The following UBR4 variants were observed in gnomAD, a reference collection of about 807,000 sequenced individuals.
UBR4 encodes E3 ubiquitin-protein ligase UBR4.
Under a neutral mutation model 575.6 loss-of-function variants are expected in UBR4, and 124 were observed. That is an observed-to-expected ratio of 0.22 (90% CI 0.19 to 0.25). The LOEUF (loss-of-function observed/expected upper bound fraction) is 0.25. UBR4 is among the 10% of genes least tolerant of loss of function. The pLI is 1.00. For synonymous variants in UBR4, 2,455 were observed against 2,473.7 expected (o/e 0.99, Z 0.22); for missense variants, 4,818 against 6,478.8 (o/e 0.74, Z 8.80).
At position 19,088,469 on chromosome 1, in the gene UBR4, A is replaced by G. The variant is rs2077220566; in HGVS notation, c.14430+290T>C. ...CTTCATCTGGAAAATGGGTATAACA[A>G]TATCAACCTCCTAGAACTACTTGAG... On this transcript the variant is annotated intron_variant, in intron 98 of 105. Coordinates refer to ENST00000375254, the MANE Select transcript of UBR4 (RefSeq NM_020765.3). This position sits in a 1 kb window ranked among gnomAD's most constrained non-coding sequence, Gnocchi z 4.0. Among the ~76,000 whole-genome samples the G allele has an allele frequency of 6.6e-6, 1 of 152,192 alleles. No individual in the cohort carries two copies.
rs757121959 is a variant in UBR4, at chr1:19,192,233, C to A, written c.1349G>T (p.Arg450Leu). The A allele has an allele frequency of 2.8e-5, 45 of 1,614,000 alleles. No individual in the cohort carries two copies. The highest frequency in any genetic ancestry group is 6.7e-5 in the Admixed American group (4 of 59,996). The stretch of plus-strand genomic sequence containing the variant: ...AGGGGAGCCCACTCCCTCTTTAGTA[C>A]GAGAAAGGATGTCTCTGACTCGGAG... ...AALRVRDILSRTKEGVGSPKL... is the reference protein window; with the variant it reads ...AALRVRDILSLTKEGVGSPKL... Residue 450 changes from arginine to leucine, a missense_variant, in exon 11 of 106, where the codon CGT becomes CTT. Coordinates refer to ENST00000375254, the MANE Select transcript of UBR4 (RefSeq NM_020765.3).
chr1:19,144,318 T>C (rs774278521), intron 54 of UBR4, among the ~76,000 whole-genome samples: 2 of 152,258 alleles, frequency 1.3e-5, no homozygotes, highest in East Asian at 1.9e-4. Flanking sequence ...TTCCTGGGGA[T>C]GGACTGGCAG....
intron 67 of UBR4, 118 bp from the exon 68 acceptor site, chr1:19,121,552 T>C (rs925168440): frequency 7.0e-6 from 9 of 1,290,452 alleles, no homozygotes; most frequent in Middle Eastern, 2.7e-4. Context: ...TTCTTTGCCA[T>C]GTTCTCTCTG....
intron 60 of UBR4, 45 bp from the exon 61 acceptor site, chr1:19,129,119 C>T (rs1219903116): frequency 1.8e-5 from 27 of 1,526,932 alleles, no homozygotes; most frequent in Non-Finnish European, 2.4e-5. Flanking sequence ...TGTACTCCAA[C>T]AGGACACAGC....
rs1375852507 is a variant in UBR4, at chr1:19,176,605, C to T, written c.2760G>A (p.Lys920=). ...CTTCTTTCTGACCTGATGAGAAATGCTTAGACCAGTTTTCTTCTACTTCTT... is the reference window on the plus strand; with the variant it reads ...CTTCTTTCTGACCTGATGAGAAATGTTTAGACCAGTTTTCTTCTACTTCTT... ...GFKEVEENWS[K]HFSSDAVPHP... The change falls in exon 20 of 106, where the codon AAG becomes AAA. Residue 920 remains lysine (K), a synonymous_variant. Transcript: ENST00000375254. The T allele has an allele frequency of 1.9e-6, 3 of 1,613,798 alleles. No individual in the cohort carries two copies. The East Asian group carries it at 6.7e-5, about 36-fold the overall frequency.
intron 57 of UBR4, 142 bp from the exon 58 acceptor site, chr1:19,141,034 T>C: frequency 1.1e-6 from 1 of 881,726 alleles, no homozygotes. Context: ...TAGCAGCCAC[T>C]GCTGTCCACC....
intron 38 of UBR4, among the ~76,000 whole-genome samples, 167 bp downstream of exon 38, chr1:19,160,750 T>C (rs2087204596): frequency 6.6e-6 from 1 of 152,180 alleles, no homozygotes; most frequent in Non-Finnish European, 1.5e-5. Context: ...TGCTCAGTCA[T>C]AAATCCTTCC....
At chr1:19,150,995 G>T in intron 48 of UBR4, 1 of 609,328 alleles carries the variant, frequency 1.6e-6, no homozygotes, top group Non-Finnish European at 2.9e-6. Flanking sequence ...TGGACCAAAA[G>T]CCGATTACGT....
intron 102 of UBR4, chr1:19,082,049 TTA>T (rs1171700378): frequency 1.9e-6 from 1 of 516,316 alleles, no homozygotes; most frequent in African/African-American, 1.9e-5. Context: ...TCTTGTTATG[TTA>T]TGTTTACATG....
At chr1:19,075,402 C>G (rs1274917525) in intron 105 of UBR4, 1 of 192,342 alleles carries the variant, frequency 5.2e-6, no homozygotes, top group Non-Finnish European at 1.1e-5. Context: ...GCTCATGCAA[C>G]AGGCACAGGG....
intron 62 of UBR4, 27 bp from the exon 63 acceptor site, chr1:19,127,766 A>G: frequency 6.3e-7 from 1 of 1,579,130 alleles, no homozygotes; most frequent in Non-Finnish European, 8.7e-7. Flanking sequence ...AAGTCCAGAA[A>G]CCTCTACTTA....
In UBR4 at chr1:19,163,750, C is replaced by T. The variant is rs771844872; in HGVS notation, c.4764+14G>A. The T allele has an allele frequency of 3.7e-6, 6 of 1,613,846 alleles. No homozygotes were observed. In the South Asian group the frequency reaches 5.5e-5, roughly 15 times the overall value. ...TTCCCTTCACCCCCCATTGTCATTCCTCACTTTTCTTACCTTTCCATGCAT... is the reference window on the plus strand; with the variant it reads ...TTCCCTTCACCCCCCATTGTCATTCTTCACTTTTCTTACCTTTCCATGCAT... On this transcript the variant is annotated intron_variant, in intron 34 of 105. Coordinates refer to ENST00000375254, the MANE Select transcript of UBR4 (RefSeq NM_020765.3).
Position 19,081,013 on chromosome 1 carries a change from C to T in UBR4, c.15233+336G>A, listed in dbSNP as rs528465534. On this transcript the variant is annotated intron_variant, in intron 103 of 105. Coordinates refer to ENST00000375254, the MANE Select transcript of UBR4 (RefSeq NM_020765.3). ...CTGAAACTTTCCTGGCTTATGCCAA[C>T]ACCAGCAAGATGTGGAAAACCTGAT... is the stretch of plus-strand genomic sequence containing the variant. 67 of 213,212 alleles carry T rather than the reference C, an allele frequency of 3.1e-4. No individual in the cohort carries two copies. The South Asian group carries it at 8.6e-3, about 27-fold the overall frequency. 13.2% of individuals were successfully genotyped at this position (213,212 alleles called of 1,614,324 possible).
rs1474934276 is a variant in UBR4 at position 19,168,935 on chromosome 1, G to A, written c.3741+500C>T. On this transcript the variant is annotated intron_variant, in intron 27 of 105. Transcript: ENST00000375254. ...GGAGCTTGCAGTGAGCCGAGATCACGACACTGCACTCCATCCTGGGTGACA... is the reference window on the plus strand; with the variant it reads ...GGAGCTTGCAGTGAGCCGAGATCACAACACTGCACTCCATCCTGGGTGACA... Among the ~76,000 whole-genome samples the A allele has an allele frequency of 3.5e-5, 5 of 144,780 alleles. 1 individual carries two copies. Among genetic ancestry groups the A allele is most frequent in the Non-Finnish European group, 6.0e-5 (4 of 66,978 alleles). The allele number at this position is 144,780 out of a possible 152,430, so 95.0% of individuals were successfully genotyped here.
rs760500663 is a variant in UBR4, at chr1:19,128,310, T to C, written c.9012A>G (p.Leu3004=). 7 of 1,613,878 alleles carry C rather than the reference T, an allele frequency of 4.3e-6. No homozygotes were observed. The Admixed American group carries it at 5.0e-5, about 12-fold the overall frequency. Residue 3004 remains leucine, a synonymous_variant, in exon 62 of 106, where the codon CTA becomes CTG. Coordinates refer to ENST00000375254, the MANE Select transcript of UBR4 (RefSeq NM_020765.3). ...VRAIPYMQVI[L]MLTTDLDGED... is the part of the protein sequence containing the mutation. Reference sequence around the variant, plus strand: ...CTCCATCCAGATCTGTAGTGAGCATTAGAATGACCTAGAAGTCAAAGACAG... The same window carrying C: ...CTCCATCCAGATCTGTAGTGAGCATCAGAATGACCTAGAAGTCAAAGACAG...
At chr1:19,150,935 G>T in intron 48 of UBR4, 142 bp from the exon 49 acceptor site, 1 of 849,576 alleles carries the variant, frequency 1.2e-6, no homozygotes, top group Non-Finnish European at 1.8e-6. Flanking sequence ...TGAGATATTT[G>T]CAGCACTTTA....
At chr1:19,180,521 C>T (rs536167731) in intron 17 of UBR4, among the ~76,000 whole-genome samples, 13 of 135,564 alleles carry the variant, frequency 9.6e-5, no homozygotes, top group Non-Finnish European at 1.7e-4. Context: ...TTCTTAATTC[C>T]TAAGTTAAAT....
In UBR4 at chr1:19,095,572, C is replaced by T. The variant is rs2077953065; in HGVS notation, c.13599G>A (p.Leu4533=). The T allele has an allele frequency of 6.2e-7, 1 of 1,613,968 alleles. No homozygotes were observed. The highest frequency in any genetic ancestry group is 1.1e-5 in the South Asian group (1 of 91,066). The stretch of plus-strand genomic sequence containing the variant: ...GGTTTAGGGTCCCCAGCATGACGTT[C>T]AAGGTGTTCATTTCCAGTTTGACCA... ...QQLVKLEMNT[L]NVMLGTLNLA... The change falls in exon 93 of 106, where the codon TTG becomes TTA. Residue 4533 remains leucine, a synonymous_variant. Transcript: ENST00000375254.
intron 83 of UBR4, 53 bp downstream of exon 83, chr1:19,106,516 A>C: frequency 6.7e-7 from 1 of 1,502,572 alleles, no homozygotes; most frequent in Admixed American, 2.3e-5. Context: ...CATATTGCTC[A>C]GAGTCTGGGG....
Sources: allele counts gnomAD v4.1 joint callset (sites outside exome capture counted in the v4.1 genomes callset), GRCh38; gene constraint gnomAD v4.1.1; non-coding constraint Gnocchi (gnomAD v3.1); transcripts MANE v1.5; gene names NCBI Gene and HGNC (gene_info 2026-07-23, HGNC 2026-07-21).